PHF1: variants seen among roughly 807,000 people sequenced by gnomAD.
PHF1 encodes the protein PHD finger protein 1, also known as polycomb-like 1.
In PHF1, 16 loss-of-function variants were observed where a neutral mutation model predicts 69.4. The ratio of observed to expected loss-of-function variants is 0.23; its 90% CI spans 0.16 to 0.35. The LOEUF is 0.35. Among genes scored for constraint, PHF1 ranks in the 10% least tolerant of loss-of-function variants. PHF1 has a pLI of 1.00. For synonymous variants in PHF1, 274 were observed against 275.0 expected, an observed-to-expected ratio of 1.00 and a Z score of 0.04; for missense variants, 515 against 732.8, an observed-to-expected ratio of 0.70 and a Z score of 3.43.
Position 33,412,883 on chromosome 6 carries a change from ACTGCTCTGGCCAGG to A in PHF1, c.337+96_337+109del. ...CTGTCCTGGCCTTAGTCCCCAAGCC[ACTGCTCTGGCCAGG>A]CTGCTTAGCCTTATCTTAGTCCTCA... On this transcript the variant is annotated intron_variant, in intron 4 of 14. Coordinates refer to ENST00000374516, the MANE Select transcript of PHF1 (RefSeq NM_024165.3). The surrounding 1 kb of genome is among the most constrained non-coding windows in gnomAD (Gnocchi z 4.2). 9.1e-7 allele frequency: 1 copy of A among 1,103,796 alleles called. No individual in the cohort carries two copies. Among genetic ancestry groups the A allele is most frequent in the South Asian group, 1.3e-5 (1 of 78,426 alleles). 68.4% of individuals were successfully genotyped at this position (1,103,796 alleles called of 1,614,324 possible).
chr6:33,412,591 T>C lies in PHF1; in HGVS notation c.241+2T>C. The stretch of plus-strand genomic sequence containing the variant: ...TTCTATGGAAAGACATTAGCCCTGG[T>C]AAGACTCTAGAGACCTGAGATTGCA... On this transcript the variant is annotated splice_donor_variant, in intron 3 of 14. Transcript: ENST00000374516. LOFTEE classifies it high-confidence loss of function. This position sits in a 1 kb window ranked among gnomAD's most constrained non-coding sequence, Gnocchi z 4.2. 6.2e-7 allele frequency: 1 copy of C among 1,614,154 alleles called. No homozygotes were observed. The highest frequency in any genetic ancestry group is 8.5e-7 in the Non-Finnish European group (1 of 1,179,980).
Position 33,414,919 on chromosome 6 carries a change from G to A in PHF1, c.1050-36G>A, listed in dbSNP as rs950326365. On this transcript the variant is annotated intron_variant, in intron 11 of 14. Coordinates refer to ENST00000374516, the MANE Select transcript of PHF1 (RefSeq NM_024165.3). This position sits in a 1 kb window ranked among gnomAD's most constrained non-coding sequence, Gnocchi z 5.0. ...AGATGGGGAGGTCTTGGGGGTGTCC[G>A]GGAGGGGGCTGGGGGGATAAGGAGG... 9 of 1,522,750 alleles carry A rather than the reference G, an allele frequency of 5.9e-6. No individual in the cohort carries two copies. Among genetic ancestry groups the A allele is most frequent in the East Asian group, 2.4e-5 (1 of 42,340 alleles). 94.3% of individuals were successfully genotyped at this position (1,522,750 alleles called of 1,614,324 possible). A position where few individuals can be genotyped will look rare whatever the true frequency, so the allele number is the denominator to read the frequency against.
In PHF1 at chr6:33,416,194, T is replaced by C. The variant is rs547765970; in HGVS notation, c.*96T>C. The C allele has an allele frequency of 1.8e-6, 2 of 1,121,576 alleles. No homozygotes were observed. Among genetic ancestry groups the C allele is most frequent in the East Asian group, 5.0e-5 (2 of 40,220 alleles). 69.5% of individuals were successfully genotyped at this position (1,121,576 alleles called of 1,614,324 possible). A position where few individuals can be genotyped will look rare whatever the true frequency, so the allele number is the denominator to read the frequency against. On this transcript the variant is annotated 3_prime_UTR_variant, in exon 15 of 15. Coordinates refer to ENST00000374516, the MANE Select transcript of PHF1 (RefSeq NM_024165.3). ...TACAGCTGGGATGTACCTGGAGAGA[T>C]AGGGGGTAGTTCTCCCTACTGCCCA...
chr6:33,415,009 C>A lies in PHF1; in HGVS notation c.1104C>A (p.Arg368=). Residue 368 remains arginine, a synonymous_variant, in exon 12 of 15, where the codon CGC becomes CGA. Coordinates refer to ENST00000374516, the MANE Select transcript of PHF1 (RefSeq NM_024165.3). ...GGGTCTCACGTCCCCTGGGGAAGCG[C>A]CGGAGGCCGGAGCCAGAGCCCCTGA... The part of the protein sequence containing the change: ...GGGVSRPLGK[R]RRPEPEPLRR... 6.4e-7 allele frequency: 1 copy of A among 1,565,120 alleles called. No individual in the cohort carries two copies. The highest frequency in any genetic ancestry group is 8.7e-7 in the Non-Finnish European group (1 of 1,155,204).
rs1356567206 is a variant in PHF1, at chr6:33,414,034, T to C, written c.684-7T>C. The C allele has an allele frequency of 2.5e-6, 4 of 1,614,032 alleles. No individual in the cohort carries two copies. Among genetic ancestry groups the C allele is most frequent in the South Asian group, 1.1e-5 (1 of 91,074 alleles). ...AAGTGTGTTTGCTCCCTCTTGCCCA[T>C]GTCCAGGTTCTATGAATTTGAATGC... On this transcript the variant is annotated splice_polypyrimidine_tract_variant and splice_region_variant and intron_variant, in intron 7 of 14. Transcript: ENST00000374516. This position sits in a 1 kb window ranked among gnomAD's most constrained non-coding sequence, Gnocchi z 5.0.
rs776968589 is a variant in PHF1 at position 33,415,139 on chromosome 6, C to T, written c.1234C>T (p.Leu412=). Reference sequence around the variant, plus strand: ...GGAGCGGGCTCATCTGCAGAGGGCACTGCAGGTACTGGAGCAGGGGGAACC... The same window carrying T: ...GGAGCGGGCTCATCTGCAGAGGGCATTGCAGGTACTGGAGCAGGGGGAACC... ...QRERAHLQRA[L]QASVSPPSPS... Residue 412 remains leucine, a synonymous_variant, in exon 12 of 15, where the codon CTG becomes TTG. Transcript: ENST00000374516. 8 of 1,613,592 alleles carry T rather than the reference C, an allele frequency of 5.0e-6. No homozygotes were observed. Among genetic ancestry groups the T allele is most frequent in the African/African-American group, 1.3e-5 (1 of 74,866 alleles).
In PHF1 at chr6:33,416,126, T is replaced by A; in HGVS notation, c.*28T>A. 6.6e-7 allele frequency: 1 copy of A among 1,508,712 alleles called. No individual in the cohort carries two copies. Among genetic ancestry groups the A allele is most frequent in the Non-Finnish European group, 8.8e-7 (1 of 1,131,688 alleles). 93.5% of individuals were successfully genotyped at this position (1,508,712 alleles called of 1,614,324 possible). On this transcript the variant is annotated 3_prime_UTR_variant, in exon 15 of 15. Coordinates refer to ENST00000374516, the MANE Select transcript of PHF1 (RefSeq NM_024165.3). ...AGCCTGCCTCTGCCCAGCTCCCCATTCACACACACCGGCACTTTCATACCC... is the reference window on the plus strand; with the variant it reads ...AGCCTGCCTCTGCCCAGCTCCCCATACACACACACCGGCACTTTCATACCC...
At position 33,412,788 on chromosome 6, in the gene PHF1, G is replaced by A. The variant is rs763077280; in HGVS notation, c.332G>A (p.Arg111His). 33 of 1,613,372 alleles carry A rather than the reference G, an allele frequency of 2.0e-5. No homozygotes were observed. Among genetic ancestry groups the A allele is most frequent in the East Asian group, 4.5e-5 (2 of 44,892 alleles). ...GNRLVSCEKC[R>H]HAYHQDCHVP... ...CGGCTGGTCAGCTGTGAGAAGTGTCGCCATGGTGAGAGGGCAGGTCACCTG... is the reference window on the plus strand; with the variant it reads ...CGGCTGGTCAGCTGTGAGAAGTGTCACCATGGTGAGAGGGCAGGTCACCTG... Residue 111 changes from arginine to histidine, a missense_variant, in exon 4 of 15, where the codon CGC (arginine) becomes CAC (histidine). By Grantham distance (29) the Arg-to-His change is conservative (BLOSUM62 0). Coordinates refer to ENST00000374516, the MANE Select transcript of PHF1 (RefSeq NM_024165.3). The surrounding 1 kb of genome is among the most constrained non-coding windows in gnomAD (Gnocchi z 4.2).
Position 33,412,433 on chromosome 6 carries a change from C to T in PHF1, c.159+11C>T. The T allele has an allele frequency of 6.2e-7, 1 of 1,614,190 alleles. No homozygotes were observed. The highest frequency in any genetic ancestry group is 2.2e-5 in the East Asian group (1 of 44,884). On this transcript the variant is annotated intron_variant, in intron 2 of 14. Transcript: ENST00000374516. The surrounding 1 kb of genome is among the most constrained non-coding windows in gnomAD (Gnocchi z 4.2). ...GGTACCATCAAAAAGGTAAGACCTTCTACCTCTGACCTTCTTCCTAGTTCC... is the reference window on the plus strand; with the variant it reads ...GGTACCATCAAAAAGGTAAGACCTTTTACCTCTGACCTTCTTCCTAGTTCC...
rs1383071876 is a variant in PHF1 at position 33,413,523 on chromosome 6, C to T, written c.553C>T (p.Gln185Ter). 6.2e-7 allele frequency: 1 copy of T among 1,614,074 alleles called. No homozygotes were observed. Among genetic ancestry groups the T allele is most frequent in the Non-Finnish European group, 8.5e-7 (1 of 1,180,050 alleles). ...GGATGCTGGACATCTGAGCAACCGA[C>T]AGCAGAGTTACTGTTACTGTGGTGG... is the stretch of plus-strand genomic sequence containing the variant. ...DWDAGHLSNRQQSYCYCGGPG... is the reference protein window; with the variant it reads ...DWDAGHLSNR Residue 185 changes from glutamine to a stop codon, truncating the protein, a stop_gained, in exon 6 of 15, where the codon CAG (glutamine) becomes TAG (stop). Transcript: ENST00000374516. LOFTEE classifies it high-confidence loss of function.
rs559843500 is a variant in PHF1 at position 33,412,878 on chromosome 6, A to G, written c.337+85A>G. 3.6e-4 allele frequency: 406 copies of G among 1,137,514 alleles called. No individual in the cohort carries two copies. The highest frequency in any genetic ancestry group is 4.9e-4 in the Non-Finnish European group (370 of 751,758). 70.5% of individuals were successfully genotyped at this position (1,137,514 alleles called of 1,614,324 possible). A position where few individuals can be genotyped will look rare whatever the true frequency, so the allele number is the denominator to read the frequency against. ...ATCACCTGTCCTGGCCTTAGTCCCC[A>G]AGCCACTGCTCTGGCCAGGCTGCTT... On this transcript the variant is annotated intron_variant, in intron 4 of 14. Transcript: ENST00000374516. This position sits in a 1 kb window ranked among gnomAD's most constrained non-coding sequence, Gnocchi z 4.2.
Position 33,415,338 on chromosome 6 carries a change from TCCTCTGCC to T in PHF1, c.1334+14_1334+21del. On this transcript the variant is annotated intron_variant, in intron 13 of 14. Coordinates refer to ENST00000374516, the MANE Select transcript of PHF1 (RefSeq NM_024165.3). ...GCCCGCTGCCTGCCCAGGTCAGTGC[TCCTCTGCC>T]CCTCCCCCACAAAATATGCTCCCAA... 1 of 1,598,474 alleles carries T rather than the reference TCCTCTGCC, an allele frequency of 6.3e-7. No homozygotes were observed. Among genetic ancestry groups the T allele is most frequent in the Non-Finnish European group, 8.6e-7 (1 of 1,167,656 alleles).
Position 33,412,584 on chromosome 6 carries a change from G to C in PHF1, c.236G>C (p.Ser79Thr). 1 of 1,614,160 alleles carries C rather than the reference G, an allele frequency of 6.2e-7. No individual in the cohort carries two copies. Among genetic ancestry groups the C allele is most frequent in the Non-Finnish European group, 8.5e-7 (1 of 1,179,992 alleles). Residue 79 changes from serine (S) to threonine (T), a missense_variant, in exon 3 of 15, where the codon AGC becomes ACC. Ser to Thr is a moderately conservative substitution (Grantham distance 58). Around this residue, in one of 5 missense-constraint regions of PHF1, gnomAD observed 25 missense variants for 21.5 expected, o/e 1.16. Coordinates refer to ENST00000374516, the MANE Select transcript of PHF1 (RefSeq NM_024165.3). This position sits in a 1 kb window ranked among gnomAD's most constrained non-coding sequence, Gnocchi z 4.2. ...TTTCTGGTTCTATGGAAAGACATTA[G>C]CCCTGGTAAGACTCTAGAGACCTGA... ...SQFLVLWKDI[S>T]PAALPGEELL... is the part of the protein sequence containing the mutation.
chr6:33,413,823 T>C lies in PHF1; in HGVS notation c.675T>C (p.Tyr225=), dbSNP rs1258518040. 15 of 1,613,328 alleles carry C rather than the reference T, an allele frequency of 9.3e-6. No individual in the cohort carries two copies. The highest frequency in any genetic ancestry group is 1.3e-5 in the African/African-American group (1 of 74,854). Residue 225 remains tyrosine, a synonymous_variant, in exon 7 of 15, where the codon TAT becomes TAC. Transcript: ENST00000374516. The part of the protein sequence containing the change: ...CTQCLSKPLL[Y]GDRFYEFECC... ...AGTGTCTGAGCAAGCCCCTCCTCTATGGGGACAGGTGAGACCAAGGCAGAC... is the reference window on the plus strand; with the variant it reads ...AGTGTCTGAGCAAGCCCCTCCTCTACGGGGACAGGTGAGACCAAGGCAGAC...
Position 33,412,458 on chromosome 6 carries a change from C to G in PHF1, c.159+36C>G. The stretch of plus-strand genomic sequence containing the variant: ...CTACCTCTGACCTTCTTCCTAGTTC[C>G]CTTATCTAATTCTGGTTCCCATTTC... On this transcript the variant is annotated intron_variant, in intron 2 of 14. Coordinates refer to ENST00000374516, the MANE Select transcript of PHF1 (RefSeq NM_024165.3). The surrounding 1 kb of genome is among the most constrained non-coding windows in gnomAD (Gnocchi z 4.2). 2 of 1,614,206 alleles carry G rather than the reference C, an allele frequency of 1.2e-6. No homozygotes were observed. Among genetic ancestry groups the G allele is most frequent in the Non-Finnish European group, 8.5e-7 (1 of 1,180,014 alleles).
In PHF1 at chr6:33,413,627, A is replaced by G. The variant is rs565605882; in HGVS notation, c.587+70A>G. The G allele has an allele frequency of 2.2e-4, 347 of 1,608,906 alleles. 2 individuals carry two copies. In the South Asian group the frequency reaches 3.7e-3, roughly 17 times the overall value. On this transcript the variant is annotated intron_variant, in intron 6 of 14. Transcript: ENST00000374516. ...GGTGGATCCCAGGAAATGAAGGAAA[A>G]AGAACAGGATGAGGGTAGCACTCAG...
chr6:33,413,125 TAA>T (rs137983869), intron 4 of PHF1, 69 bp from the exon 5 acceptor site: 59,576 of 1,290,912 alleles, frequency 0.046, 1,561 homozygotes, highest in Non-Finnish European at 0.054. Context: ...ATGAGATGGG[TAA>T]AGACTATTCC....
chr6:33,412,337 C>T lies in PHF1; in HGVS notation c.74C>T (p.Ser25Phe), dbSNP rs1187220918. 2 of 1,614,120 alleles carry T rather than the reference C, an allele frequency of 1.2e-6. No individual in the cohort carries two copies. Residue 25 changes from serine (S) to phenylalanine (F), a missense_variant, in exon 2 of 15, where the codon TCT becomes TTT. Around this residue, in one of 5 missense-constraint regions of PHF1, gnomAD observed 52 missense variants for 48.2 expected, o/e 1.08. Coordinates refer to ENST00000374516, the MANE Select transcript of PHF1 (RefSeq NM_024165.3). The surrounding 1 kb of genome is among the most constrained non-coding windows in gnomAD (Gnocchi z 4.2). ...LWDPASPAPT[S>F]GPRPRLWEGQ... ...GACCCAGCTTCTCCTGCTCCCACCT[C>T]TGGCCCCAGGCCTCGGCTTTGGGAG...
chr6:33,415,793 T>C lies in PHF1; in HGVS notation c.1416-17T>C. On this transcript the variant is annotated splice_polypyrimidine_tract_variant and intron_variant, in intron 14 of 14. Transcript: ENST00000374516. ...CTCCATTTCTGCCCATTTCTTACAA[T>C]TGCCTTCTCTCCCTAGGTCACCCCT... The C allele has an allele frequency of 6.3e-7, 1 of 1,595,146 alleles. No individual in the cohort carries two copies. The highest frequency in any genetic ancestry group is 8.6e-7 in the Non-Finnish European group (1 of 1,166,506).
Sources: allele counts gnomAD v4.1 joint callset, GRCh38; gene constraint gnomAD v4.1.1; regional missense constraint gnomAD v4.1.1; non-coding constraint Gnocchi (gnomAD v3.1); transcripts MANE v1.5; gene names NCBI Gene and HGNC (gene_info 2026-07-23, HGNC 2026-07-21).